GSE1: variants seen among roughly 807,000 people sequenced by gnomAD.
GSE1 encodes genetic suppressor element 1.
GSE1 carries 32 observed loss-of-function variants against 112.6 expected under a neutral mutation model. The observed-to-expected ratio is 0.28, with a 90% CI of 0.21 to 0.38. The LOEUF is 0.38. Ranked by LOEUF, GSE1 falls within the 10% of genes least tolerant of loss-of-function variation. GSE1 has a pLI of 1.00. For missense variants in GSE1, 2,348 were observed against 1,699.2 expected (o/e 1.38, Z -6.71); for synonymous variants, 1,115 against 735.6 (o/e 1.52, Z -8.35).
chr16:85,470,014 A>G (rs545935693), intron 2 of GSE1, among the ~76,000 whole-genome samples: 3 of 152,320 alleles, frequency 2.0e-5, no homozygotes, highest in Non-Finnish European at 4.4e-5. Context: ...CCAGGCCCTC[A>G]GGCATCTCAA....
intron 1 of GSE1, among the ~76,000 whole-genome samples, chr16:85,201,061 C>G (rs2075019389): frequency 6.6e-6 from 1 of 151,710 alleles, no homozygotes; most frequent in African/African-American, 2.4e-5. Context: ...TATCTGAAAA[C>G]CCTTGGGACT....
chr16:85,253,180 CAGG>C (rs906611085), intron 1 of GSE1, among the ~76,000 whole-genome samples: 46 of 151,126 alleles, frequency 3.0e-4, no homozygotes, highest in African/African-American at 1.0e-3. Flanking sequence ...CGGGAGGAGG[CAGG>C]AGGAGCAGAG....
At chr16:85,206,958 A>G (rs963757452) in intron 1 of GSE1, among the ~76,000 whole-genome samples, 34 of 152,098 alleles carry the variant, frequency 2.2e-4, no homozygotes, top group African/African-American at 7.5e-4. Flanking sequence ...GACTGTTTAC[A>G]GCCTCCGGCG....
At chr16:85,626,410 C>A (rs1381929332) in intron 1 of GSE1, among the ~76,000 whole-genome samples, 2 of 152,268 alleles carry the variant, frequency 1.3e-5, no homozygotes, top group African/African-American at 4.8e-5. Flanking sequence ...AGCTTCGCCC[C>A]TTTGGGGGAG....
At chr16:85,530,792 G>A (rs2044111779) in intron 2 of GSE1, among the ~76,000 whole-genome samples, 1 of 152,352 alleles carries the variant, frequency 6.6e-6, no homozygotes, top group Admixed American at 6.5e-5. Flanking sequence ...AGATAGTTGG[G>A]TGTCATCGGA....
chr16:85,270,066 C>T (rs1365125245), intron 1 of GSE1, among the ~76,000 whole-genome samples: 2 of 149,154 alleles, frequency 1.3e-5, no homozygotes, highest in South Asian at 2.1e-4. Flanking sequence ...ACCCCATGCT[C>T]CTCCTTCCAT....
intron 1 of GSE1, among the ~76,000 whole-genome samples, chr16:85,331,581 G>GTGTGTATA (rs540302200): frequency 4.4e-5 from 5 of 114,036 alleles, no homozygotes; most frequent in Non-Finnish European, 7.8e-5. Flanking sequence ...ATGTGTACAT[G>GTGTGTATA]TGTATATATG....
At chr16:85,408,159 GC>G (rs1472701266) in intron 2 of GSE1, among the ~76,000 whole-genome samples, 4 of 33,590 alleles carry the variant, frequency 1.2e-4, no homozygotes, top group Non-Finnish European at 1.2e-4. Context: ...TACACTCAGG[GC>G]CCCCCGGATA....
intron 2 of GSE1, among the ~76,000 whole-genome samples, chr16:85,478,369 A>G (rs2050528141): frequency 1.3e-5 from 2 of 152,038 alleles, no homozygotes; most frequent in Admixed American, 1.3e-4. Context: ...CCTACTAAAA[A>G]TACAAAAATT....
intron 2 of GSE1, among the ~76,000 whole-genome samples, chr16:85,404,365 C>G (rs1419467757): frequency 1.7e-5 from 1 of 57,162 alleles, no homozygotes; most frequent in East Asian, 5.4e-4. Flanking sequence ...CACTCAGGGC[C>G]CCCCTGGATA....
At position 85,419,677 on chromosome 16, in the gene GSE1, C is replaced by T. The variant is rs114483652; in HGVS notation, c.2464+62034C>T. On this transcript the variant is annotated intron_variant, in intron 2 of 2. Transcript: ENST00000637419. The surrounding 1 kb of genome is among the most constrained non-coding windows in gnomAD (Gnocchi z 6.5). ...GAACATGCCAGCCTTTCTCATGCCT[C>T]GGGTGCAGTCGTGTGCAACGGTGAA... Among the ~76,000 whole-genome samples the T allele has an allele frequency of 8.6e-4, 131 of 152,246 alleles. No homozygotes were observed. The highest frequency in any genetic ancestry group is 2.8e-3 in the African/African-American group (116 of 41,546).
Position 85,659,098 on chromosome 16 carries a change from C to CT in GSE1, c.1640+1496dup, listed in dbSNP as rs563667982. 9.8e-5 allele frequency among the ~76,000 whole-genome samples: 15 copies of CT among 152,350 alleles called. 1 individual carries two copies. In the South Asian group the frequency reaches 2.1e-3, roughly 21 times the overall value. On this transcript the variant is annotated intron_variant, in intron 8 of 15. Coordinates refer to ENST00000253458, the MANE Select transcript of GSE1 (RefSeq NM_014615.5). ...GCAGGTTTCATTCCCTTGCTGTTTA[C>CT]TTAAGGACACAGCTTCTTCCTGTGG...
At chr16:85,393,471 T>C (rs946215616) in intron 2 of GSE1, among the ~76,000 whole-genome samples, 5 of 152,192 alleles carry the variant, frequency 3.3e-5, no homozygotes, top group African/African-American at 1.2e-4. Context: ...TCTCACACAG[T>C]ACCCAGCACA....
intron 1 of GSE1, among the ~76,000 whole-genome samples, chr16:85,182,200 C>G (rs2074601818): frequency 6.6e-6 from 1 of 152,138 alleles, no homozygotes; most frequent in Non-Finnish European, 1.5e-5. Context: ...AGTCTGGGCT[C>G]CTGTGGGGGG....
chr16:85,670,583 G>C (rs5016328), intron 14 of GSE1: 96,058 of 153,432 alleles, frequency 0.63, 30,468 homozygotes, highest in East Asian at 0.86. Flanking sequence ...CTCTCCTGTT[G>C]AAACTAGGCC....
chr16:85,364,359 A>T (rs1000121568), intron 2 of GSE1, among the ~76,000 whole-genome samples: 2 of 152,160 alleles, frequency 1.3e-5, no homozygotes, highest in African/African-American at 4.8e-5. Context: ...CCCATCTCCC[A>T]TCTCAAGGTC....
intron 2 of GSE1, among the ~76,000 whole-genome samples, chr16:85,397,196 C>T (rs1481247396): frequency 2.0e-5 from 3 of 152,220 alleles, no homozygotes; most frequent in African/African-American, 7.2e-5. Context: ...GATGCCTCCT[C>T]TCAGCCCCCT....
At chr16:85,310,448 G>A (rs187974770) in intron 1 of GSE1, among the ~76,000 whole-genome samples, 4 of 152,140 alleles carry the variant, frequency 2.6e-5, no homozygotes, top group East Asian at 3.9e-4. Context: ...TCTGATCAGC[G>A]GTTCCTTCCT....
chr16:85,320,441 A>ATGTTT (rs112173531), intron 1 of GSE1, among the ~76,000 whole-genome samples: 75,039 of 148,964 alleles, frequency 0.5, 19,684 homozygotes, highest in Non-Finnish European at 0.58. Flanking sequence ...TACCCGGCTA[A>ATGTTT]TGTTTTGTTT....
Sources: allele counts gnomAD v4.1 joint callset (sites outside exome capture counted in the v4.1 genomes callset), GRCh38; gene constraint gnomAD v4.1.1; non-coding constraint Gnocchi (gnomAD v3.1); transcripts MANE v1.5; gene names NCBI Gene and HGNC (gene_info 2026-07-23, HGNC 2026-07-21).